DYRK4: variants seen among roughly 807,000 people sequenced by gnomAD.
DYRK4 encodes the protein dual specificity tyrosine phosphorylation regulated kinase 4, also known as dual specificity tyrosine-phosphorylation-regulated kinase 4.
Under a neutral mutation model 68.3 loss-of-function variants are expected in DYRK4, and 64 were observed. That is an observed-to-expected ratio of 0.94 (90% confidence interval 0.77 to 1.15). The LOEUF (loss-of-function observed/expected upper bound fraction) is 1.15, where lower values mean the gene tolerates loss of function less well. DYRK4 is among the 50% of genes most tolerant of loss of function. DYRK4 has a pLI of 0.00. For missense variants in DYRK4, 740 were observed against 764.7 expected, an observed-to-expected ratio of 0.97 and a Z score of 0.38; for synonymous variants, 274 against 289.9, an observed-to-expected ratio of 0.95 and a Z score of 0.56.
At chr12:4,597,436 A>G (rs537079990) in intron 8 of DYRK4, among the ~76,000 whole-genome samples, 15 of 152,378 alleles carry the variant, frequency 9.8e-5, no homozygotes, top group Admixed American at 3.9e-4. Flanking sequence ...TCTAGGAACC[A>G]GCTACATTTG....
In DYRK4 at chr12:4,607,325, AG is replaced by A; in HGVS notation, c.1300del. ...TGAACCAATTGAATTATCCTTATTA[AG>A]GTGCTGGGTCTGCCGCCAGCCGGCT... On this transcript the variant is annotated splice_acceptor_variant, in intron 11 of 14. Coordinates refer to ENST00000543431, the MANE Select transcript of DYRK4 (RefSeq NM_001394779.1). LOFTEE classifies it high-confidence loss of function. 2 of 1,614,152 alleles carry A rather than the reference AG, an allele frequency of 1.2e-6. No individual in the cohort carries two copies. Among genetic ancestry groups the A allele is most frequent in the Non-Finnish European group, 1.7e-6 (2 of 1,180,006 alleles).
intron 2 of DYRK4, chr12:4,572,866 A>G: frequency 6.1e-6 from 1 of 162,710 alleles, no homozygotes; most frequent in Non-Finnish European, 1.3e-5. Flanking sequence ...CCTGCAAGAG[A>G]CGGGCTTATC....
chr12:4,597,053 AT>A, intron 8 of DYRK4: 1 of 1,149,696 alleles, frequency 8.7e-7, no homozygotes, highest in Non-Finnish European at 1.1e-6. Flanking sequence ...GTTTGCAGTC[AT>A]TTTCCCCACT....
Position 4,584,791 on chromosome 12 carries a change from G to A in DYRK4, c.133-4146G>A, listed in dbSNP as rs1312964876. On this transcript the variant is annotated intron_variant, in intron 2 of 14. Coordinates refer to ENST00000543431, the MANE Select transcript of DYRK4 (RefSeq NM_001394779.1). ...AGGATGGTCTTGATCTCCTGACCTC[G>A]TGATCCACCCACCTCGGCCTCCCAA... Among the ~76,000 whole-genome samples the A allele has an allele frequency of 4.6e-5, 7 of 152,106 alleles. No individual in the cohort carries two copies. The South Asian group carries it at 8.3e-4, about 18-fold the overall frequency.
chr12:4,569,486 G>A (rs1198797651), intron 2 of DYRK4, among the ~76,000 whole-genome samples: 3 of 152,114 alleles, frequency 2.0e-5, no homozygotes, highest in South Asian at 2.1e-4. Context: ...TCACACATGC[G>A]CCTTAGCAGC....
chr12:4,587,037 C>A (rs748048351), intron 2 of DYRK4, among the ~76,000 whole-genome samples: 1 of 152,198 alleles, frequency 6.6e-6, no homozygotes, highest in African/African-American at 2.4e-5. Flanking sequence ...AGAGTCCATA[C>A]CCATGAGCAT....
chr12:4,613,006 T>C lies in DYRK4; in HGVS notation c.1666+288T>C, dbSNP rs1945243686. The C allele has an allele frequency of 2.7e-6, 1 of 364,996 alleles. No individual in the cohort carries two copies. The highest frequency in any genetic ancestry group is 2.1e-5 in the African/African-American group (1 of 47,706). 22.6% of individuals were successfully genotyped at this position (364,996 alleles called of 1,614,324 possible). A position where few individuals can be genotyped will look rare whatever the true frequency, so the allele number is the denominator to read the frequency against. ...CAGGGAAATTTGGCATTAGCCTGGATCTTTTTTGCCCCTTATTAGGATTTT... is the reference window on the plus strand; with the variant it reads ...CAGGGAAATTTGGCATTAGCCTGGACCTTTTTTGCCCCTTATTAGGATTTT... On this transcript the variant is annotated intron_variant, in intron 14 of 14. Transcript: ENST00000543431. The surrounding 1 kb of genome is among the most constrained non-coding windows in gnomAD (Gnocchi z 4.0).
At chr12:4,569,626 T>A (rs571319161) in intron 2 of DYRK4, among the ~76,000 whole-genome samples, 13 of 152,022 alleles carry the variant, frequency 8.6e-5, no homozygotes, top group Admixed American at 6.5e-4. Context: ...AATTGTTATT[T>A]AAAAAAAATT....
chr12:4,613,447 T>C lies in DYRK4; in HGVS notation c.1667-68T>C. The C allele has an allele frequency of 6.5e-7, 1 of 1,542,730 alleles. No homozygotes were observed. The highest frequency in any genetic ancestry group is 8.8e-7 in the Non-Finnish European group (1 of 1,138,032). On this transcript the variant is annotated intron_variant, in intron 14 of 14. Transcript: ENST00000543431. This position sits in a 1 kb window ranked among gnomAD's most constrained non-coding sequence, Gnocchi z 4.0. ...CGTTTCCACTAAGTGATGTACAACC[T>C]AAAGGACAATTAACATATAATCCAC... is the stretch of plus-strand genomic sequence containing the variant.
chr12:4,579,191 T>C (rs1565534135), intron 2 of DYRK4, among the ~76,000 whole-genome samples: 2 of 152,098 alleles, frequency 1.3e-5, no homozygotes, highest in East Asian at 3.9e-4. Context: ...GGAGAATCAT[T>C]TGAACCTGGG....
At chr12:4,574,657 T>C (rs923866251) in intron 2 of DYRK4, among the ~76,000 whole-genome samples, 1 of 152,210 alleles carries the variant, frequency 6.6e-6, no homozygotes, top group Non-Finnish European at 1.5e-5. Context: ...ACACTACATT[T>C]TTTATCAGTT....
chr12:4,575,298 A>ATTGTGTGTGTGTGT (rs562026104), intron 2 of DYRK4, among the ~76,000 whole-genome samples: 119 of 144,178 alleles, frequency 8.3e-4, no homozygotes, highest in African/African-American at 1.5e-3. Context: ...ACAATAACTT[A>ATTGTGTGTGTGTGT]CTGTGTGTGT....
At chr12:4,610,490 G>T in intron 13 of DYRK4, 1 of 452,780 alleles carries the variant, frequency 2.2e-6, no homozygotes, top group Non-Finnish European at 3.8e-6. Flanking sequence ...CAGGGCAGAT[G>T]ATTTGCTCTG....
intron 7 of DYRK4, 42 bp from the exon 8 acceptor site, chr12:4,596,547 A>T (rs1945020139): frequency 6.2e-7 from 1 of 1,601,674 alleles, no homozygotes; most frequent in South Asian, 1.1e-5. Flanking sequence ...TGATGTTTCT[A>T]TCCCCATTTC....
At chr12:4,573,750 C>A (rs1374285584) in intron 2 of DYRK4, among the ~76,000 whole-genome samples, 1 of 152,100 alleles carries the variant, frequency 6.6e-6, no homozygotes, top group Non-Finnish European at 1.5e-5. Flanking sequence ...CACCTGAAGT[C>A]ATTCTGGGAA....
chr12:4,605,650 T>A (rs73039868), intron 11 of DYRK4, among the ~76,000 whole-genome samples: 4,694 of 151,454 alleles, frequency 0.031, 128 homozygotes, highest in Admixed American at 0.069. Context: ...ATATCTGGTG[T>A]GCAAATTTTG....
chr12:4,610,005 T>A, intron 12 of DYRK4, 150 bp from the exon 13 acceptor site: 1 of 404,592 alleles, frequency 2.5e-6, no homozygotes. Context: ...TCAAACTGAG[T>A]GTGTGTGTGT....
chr12:4,606,566 A>G (rs181979810), intron 11 of DYRK4, among the ~76,000 whole-genome samples: 177 of 152,324 alleles, frequency 1.2e-3, no homozygotes, highest in African/African-American at 4.1e-3. Flanking sequence ...GGCATTTCCC[A>G]GCTCTGGACT....
At position 4,608,912 on chromosome 12, in the gene DYRK4, A is replaced by G. The variant is rs545758397; in HGVS notation, c.1361-1243A>G. On this transcript the variant is annotated intron_variant, in intron 12 of 14. Transcript: ENST00000543431. ...GCTGGCTCCCCAGTATAATTTACAC[A>G]TGGAGCACGCGAACTGGTCTTTGGA... Among the ~76,000 whole-genome samples the G allele has an allele frequency of 2.6e-5, 4 of 152,318 alleles. No individual in the cohort carries two copies. In the South Asian group the frequency reaches 6.2e-4, roughly 24 times the overall value.
Sources: gnomAD v4.1 joint callset for allele counts (sites outside exome capture counted in the v4.1 genomes callset) on GRCh38, gnomAD v4.1.1 for gene constraint, Gnocchi (gnomAD v3.1) non-coding constraint, MANE v1.5 for transcripts, NCBI Gene and HGNC (gene_info 2026-07-23, HGNC 2026-07-21) for gene names.